The following KLHL22 variants were observed in gnomAD, a reference collection of about 807,000 sequenced individuals.
KLHL22 encodes kelch-like protein 22.
Under a neutral mutation model 60.7 loss-of-function variants are expected in KLHL22, and 18 were observed. The observed-to-expected ratio is 0.30, with a 90% CI of 0.20 to 0.44. The LOEUF (loss-of-function observed/expected upper bound fraction) is 0.44. Ranked by LOEUF, KLHL22 falls within the 20% of genes least tolerant of loss-of-function variation. KLHL22 has a pLI of 1.00. For synonymous variants in KLHL22, 355 were observed against 354.5 expected, an observed-to-expected ratio of 1.00 and a Z score of -0.01; for missense variants, 596 against 852.3, an observed-to-expected ratio of 0.70 and a Z score of 3.74.
chr22:20,485,276 G>C (rs1245444678), intron 2 of KLHL22, among the ~76,000 whole-genome samples: 1 of 152,172 alleles, frequency 6.6e-6, no homozygotes, highest in Non-Finnish European at 1.5e-5. Flanking sequence ...AAGCATACAA[G>C]GTTAAAGCAT....
intron 5 of KLHL22, among the ~76,000 whole-genome samples, chr22:20,457,587 T>C (rs2053083340): frequency 6.6e-6 from 1 of 152,164 alleles, no homozygotes; most frequent in South Asian, 2.1e-4. Flanking sequence ...TTCTGAGCAA[T>C]GGGGTCTGGA....
At chr22:20,488,681 A>AGGGAGGGAAGGGGAGGGGAGAGGAG (rs2053628283) in intron 2 of KLHL22, 2 of 386,750 alleles carry the variant, frequency 5.2e-6, no homozygotes, top group African/African-American at 2.2e-5. Context: ...AGGAATGGTA[A>AGGGAGGGAAGGGGAGGGGAGAGGAG]GGGAGGGGAG....
intron 5 of KLHL22, among the ~76,000 whole-genome samples, chr22:20,447,085 C>T (rs184696629): frequency 5.9e-5 from 9 of 152,330 alleles, no homozygotes; most frequent in Non-Finnish European, 1.0e-4. Flanking sequence ...TGCAATCCTC[C>T]GGGCCTGCTG....
In KLHL22 at chr22:20,446,463, A is replaced by G. The variant is rs2052862678; in HGVS notation, c.1519T>C (p.Tyr507His). 1.2e-6 allele frequency: 2 copies of G among 1,609,962 alleles called. No homozygotes were observed. The highest frequency in any genetic ancestry group is 1.7e-6 in the Non-Finnish European group (2 of 1,178,734). Residue 507 changes from tyrosine to histidine, a missense_variant, in exon 6 of 7, where the codon TAC (tyrosine) becomes CAC (histidine). By Grantham distance (83) the Tyr-to-His change is moderately conservative (BLOSUM62 2). Transcript: ENST00000328879. ...CTCACCTGGTGCACGTCCCTCCTGTATCCGGCATCGTTGTTGCTGCCCCCG... is the reference window on the plus strand; with the variant it reads ...CTCACCTGGTGCACGTCCCTCCTGTGTCCGGCATCGTTGTTGCTGCCCCCG... Reference protein sequence around the residue: ...VIGGSNNDAGYRRDVHQVACY... With the variant: ...VIGGSNNDAGHRRDVHQVACY...
intron 5 of KLHL22, among the ~76,000 whole-genome samples, chr22:20,448,752 T>C (rs2052923206): frequency 6.6e-6 from 1 of 152,106 alleles, no homozygotes; most frequent in African/African-American, 2.4e-5. Context: ...GTAGTTTTCA[T>C]TTCTCTGGGA....
In KLHL22 at chr22:20,495,469, G is replaced by A. The variant is rs1017717751; in HGVS notation, c.-34+291C>T. The stretch of plus-strand genomic sequence containing the variant: ...AACAGGGCCCGCCCGGGTGCCAGGA[G>A]GCCGGCGCGCCAGCAGCCGCGCTGA... On this transcript the variant is annotated intron_variant, in intron 1 of 6. Transcript: ENST00000328879. The surrounding 1 kb of genome is among the most constrained non-coding windows in gnomAD (Gnocchi z 4.6). 2.6e-5 allele frequency among the ~76,000 whole-genome samples: 4 copies of A among 151,984 alleles called. No homozygotes were observed. The highest frequency in any genetic ancestry group is 1.3e-4 in the Admixed American group (2 of 15,254).
At position 20,472,513 on chromosome 22, in the gene KLHL22, G is replaced by A. The variant is rs530963799; in HGVS notation, c.228-998C>T. Among the ~76,000 whole-genome samples the A allele has an allele frequency of 1.6e-4, 25 of 152,148 alleles. No individual in the cohort carries two copies. The East Asian group carries it at 3.5e-3, about 21-fold the overall frequency. The stretch of plus-strand genomic sequence containing the variant: ...GGGCAAGGCGGGCAGATCACCTGAG[G>A]TCAGGAGTTCAAGACCAGCCTGGCC... On this transcript the variant is annotated intron_variant, in intron 2 of 6. Transcript: ENST00000328879.
chr22:20,455,765 T>C (rs1261252847), intron 5 of KLHL22, among the ~76,000 whole-genome samples: 1 of 152,168 alleles, frequency 6.6e-6, no homozygotes, highest in African/African-American at 2.4e-5. Context: ...AGATTTAAGA[T>C]GCTAATGAGA....
intron 2 of KLHL22, chr22:20,481,226 G>A (rs1190515591): frequency 6.6e-6 from 1 of 152,104 alleles, no homozygotes; most frequent in African/African-American, 2.4e-5. Flanking sequence ...AAACTCATTC[G>A]TCTCTGTCCC....
intron 2 of KLHL22, chr22:20,484,208 G>A (rs549189135): frequency 1.1e-4 from 53 of 474,966 alleles, no homozygotes; most frequent in Non-Finnish European, 2.0e-4. Flanking sequence ...GGCCAGGCTG[G>A]TCTCCAACTC....
intron 5 of KLHL22, among the ~76,000 whole-genome samples, chr22:20,457,082 G>C (rs1417586879): frequency 3.3e-5 from 5 of 151,978 alleles, no homozygotes; most frequent in Admixed American, 2.6e-4. Flanking sequence ...CTGAGACCCA[G>C]GAAGTAGGGG....
chr22:20,459,858 A>T (rs1569129356), intron 4 of KLHL22, among the ~76,000 whole-genome samples: 1 of 152,202 alleles, frequency 6.6e-6, no homozygotes. Context: ...AGAGCAAATG[A>T]GTGCTTAATA....
At chr22:20,456,562 C>T (rs776535506) in intron 5 of KLHL22, 2 of 152,286 alleles carry the variant, frequency 1.3e-5, no homozygotes, top group Non-Finnish European at 2.9e-5. Flanking sequence ...CAAGAGCCCT[C>T]CTTGTCCACT....
chr22:20,462,858 CAA>C (rs906309204), intron 4 of KLHL22, among the ~76,000 whole-genome samples: 1 of 152,016 alleles, frequency 6.6e-6, no homozygotes, highest in African/African-American at 2.4e-5. Context: ...CCATTTGCTC[CAA>C]GAGAGGAAAG....
intron 2 of KLHL22, chr22:20,483,612 T>A (rs888167173): frequency 1.4e-6 from 1 of 726,376 alleles, no homozygotes; most frequent in African/African-American, 1.7e-5. Context: ...CATACTTGAC[T>A]CTAAAGTCAT....
At position 20,450,367 on chromosome 22, in the gene KLHL22, C is replaced by T. The variant is rs1039291175; in HGVS notation, c.1306-3691G>A. The T allele has an allele frequency of 2.8e-6, 4 of 1,405,274 alleles. No individual in the cohort carries two copies. The African/African-American group carries it at 4.2e-5, about 15-fold the overall frequency. The allele number at this position is 1,405,274 out of a possible 1,614,324, so 87.1% of individuals were successfully genotyped here. The stretch of plus-strand genomic sequence containing the variant: ...ACATCCAAGGTTTGACTGCCTCTAC[C>T]ATGGAAATTTTATTGGACTTTGTGT... On this transcript the variant is annotated intron_variant, in intron 5 of 6. Transcript: ENST00000328879.
intron 2 of KLHL22, among the ~76,000 whole-genome samples, chr22:20,472,345 C>T (rs1028563274): frequency 6.6e-6 from 1 of 152,208 alleles, no homozygotes. Flanking sequence ...AATCCCAACC[C>T]TCTGGGAGGC....
intron 6 of KLHL22, among the ~76,000 whole-genome samples, chr22:20,443,408 T>C (rs2052797257): frequency 6.6e-6 from 1 of 151,386 alleles, no homozygotes; most frequent in Non-Finnish European, 1.5e-5. Flanking sequence ...TTTCCTGGAT[T>C]TTCCAGGTGA....
chr22:20,488,737 G>A, intron 2 of KLHL22: 2 of 530,646 alleles, frequency 3.8e-6, no homozygotes, highest in South Asian at 2.3e-5. Context: ...GAGAGAAAAG[G>A]AAAAGAAAAG....
Sources: gnomAD v4.1 joint callset for allele counts (sites outside exome capture counted in the v4.1 genomes callset) on GRCh38, gnomAD v4.1.1 for gene constraint, Gnocchi (gnomAD v3.1) non-coding constraint, MANE v1.5 for transcripts, NCBI Gene and HGNC (gene_info 2026-07-23, HGNC 2026-07-21) for gene names.